The following DGKB variants were observed in gnomAD, a reference collection of about 807,000 sequenced individuals.
The protein encoded by DGKB is diacylglycerol kinase beta, also known as 90 kDa diacylglycerol kinase.
A neutral mutation model predicts 114.3 loss-of-function variants in DGKB; 67 were observed. The observed-to-expected ratio is 0.59, with a 90% CI of 0.48 to 0.72. The LOEUF is 0.72. Ranked by LOEUF, DGKB falls within the 30% of genes least tolerant of loss-of-function variation. The pLI is 0.00. For synonymous variants in DGKB, 398 were observed against 323.1 expected, an observed-to-expected ratio of 1.23 and a Z score of -2.49; for missense variants, 907 against 975.2, an observed-to-expected ratio of 0.93 and a Z score of 0.93.
chr7:14,661,749 T>A (rs1278641297), intron 13 of DGKB, among the ~76,000 whole-genome samples: 1 of 151,538 alleles, frequency 6.6e-6, no homozygotes, highest in Non-Finnish European at 1.5e-5. Flanking sequence ...TAAAGACACA[T>A]GCACACGTAT....
chr7:14,856,835 C>T (rs1003059143), intron 1 of DGKB, among the ~76,000 whole-genome samples: 11 of 152,164 alleles, frequency 7.2e-5, no homozygotes, highest in African/African-American at 2.6e-4. Flanking sequence ...TTATAGGCTG[C>T]CAAATTCCTC....
Position 14,304,046 on chromosome 7 carries a change from A to AACACACACAC in DGKB, c.2122+34459_2122+34468dup, listed in dbSNP as rs773102280. On this transcript the variant is annotated intron_variant, in intron 23 of 25. Transcript: ENST00000402815. ...TATTATACACCATTTGTTCTTATAGAACACACACACACACACACACACACA... is the reference window on the plus strand; with the variant it reads ...TATTATACACCATTTGTTCTTATAGAACACACACACACACACACACACACACACACACACA... 1.8e-3 allele frequency among the ~76,000 whole-genome samples: 201 copies of AACACACACAC among 112,704 alleles called. 2 individuals carry two copies. The highest frequency in any genetic ancestry group is 5.8e-3 in the African/African-American group (167 of 28,824). The allele number at this position is 112,704 out of a possible 152,430, so 73.9% of individuals were successfully genotyped here.
At chr7:14,535,377 A>G (rs1284636126) in intron 20 of DGKB, among the ~76,000 whole-genome samples, 1 of 103,218 alleles carries the variant, frequency 9.7e-6, no homozygotes, top group Non-Finnish European at 1.9e-5. Context: ...TCTTAAAAAA[A>G]GAAAAAAAAA....
chr7:14,928,027 G>A (rs1250148658), intron 1 of DGKB, among the ~76,000 whole-genome samples: 1 of 151,906 alleles, frequency 6.6e-6, no homozygotes, highest in Non-Finnish European at 1.5e-5. Context: ...TAGATGACAT[G>A]AGAAGTGTAA....
At chr7:14,646,296 T>C (rs1812993299) in intron 13 of DGKB, among the ~76,000 whole-genome samples, 2 of 152,108 alleles carry the variant, frequency 1.3e-5, no homozygotes, top group Admixed American at 1.3e-4. Flanking sequence ...AGATAAAAAT[T>C]AAGTGGTCAA....
At chr7:14,473,208 T>G (rs1781675327) in intron 21 of DGKB, among the ~76,000 whole-genome samples, 1 of 152,268 alleles carries the variant, frequency 6.6e-6, no homozygotes, top group African/African-American at 2.4e-5. Flanking sequence ...AGGGTGCCCA[T>G]GCTGCGTGAA....
At chr7:14,418,193 A>C (rs1023717514) in intron 21 of DGKB, among the ~76,000 whole-genome samples, 1 of 137,126 alleles carries the variant, frequency 7.3e-6, no homozygotes, top group Middle Eastern at 3.7e-3. Flanking sequence ...AAATATAAAA[A>C]ATTTTATATT....
intron 20 of DGKB, among the ~76,000 whole-genome samples, chr7:14,516,022 T>C (rs1450041594): frequency 6.6e-6 from 1 of 152,022 alleles, no homozygotes. Flanking sequence ...CTAATTTGTT[T>C]ATTTTTGGGG....
intron 16 of DGKB, among the ~76,000 whole-genome samples, chr7:14,612,419 T>A (rs778554355): frequency 2.6e-5 from 4 of 152,064 alleles, no homozygotes; most frequent in Non-Finnish European, 5.9e-5. Context: ...TCTGCCCACC[T>A]CAGCCTCCCA....
intron 21 of DGKB, among the ~76,000 whole-genome samples, chr7:14,453,874 G>C (rs1831893233): frequency 6.6e-6 from 1 of 152,222 alleles, no homozygotes; most frequent in African/African-American, 2.4e-5. Context: ...CTGGCATATG[G>C]GCCATAGTTT....
At chr7:14,221,721 T>C (rs1158957391) in intron 23 of DGKB, among the ~76,000 whole-genome samples, 4 of 151,304 alleles carry the variant, frequency 2.6e-5, no homozygotes, top group Admixed American at 2.6e-4. Context: ...TTTGGAAGGG[T>C]TTGTGAATAG....
intron 21 of DGKB, among the ~76,000 whole-genome samples, chr7:14,348,082 T>C (rs1812780320): frequency 1.3e-5 from 2 of 152,104 alleles, no homozygotes; most frequent in South Asian, 2.1e-4. Context: ...CTGACATTGA[T>C]ACAGTTAAGA....
intron 20 of DGKB, among the ~76,000 whole-genome samples, chr7:14,481,252 G>A (rs1782946333): frequency 6.6e-6 from 1 of 151,582 alleles, no homozygotes; most frequent in South Asian, 2.1e-4. Flanking sequence ...TTCTGTATAG[G>A]CTTATTTATG....
intron 17 of DGKB, among the ~76,000 whole-genome samples, chr7:14,601,512 T>C (rs1346342115): frequency 6.6e-6 from 1 of 152,312 alleles, no homozygotes; most frequent in East Asian, 1.9e-4. Flanking sequence ...TCTTTACCAA[T>C]TGGCCAGTCT....
At chr7:14,689,199 A>ATTATTTTTTTTTT (rs1822290700) in intron 9 of DGKB, among the ~76,000 whole-genome samples, 1 of 76,566 alleles carries the variant, frequency 1.3e-5, no homozygotes, top group African/African-American at 4.1e-5. Context: ...AACTCCTCTT[A>ATTATTTTTTTTTT]TTTTTTTTTT....
At chr7:14,334,255 A>G (rs1380978334) in intron 23 of DGKB, among the ~76,000 whole-genome samples, 2 of 152,076 alleles carry the variant, frequency 1.3e-5, no homozygotes, top group Admixed American at 6.6e-5. Flanking sequence ...CCATTTGCAC[A>G]ATATTTCTCA....
chr7:14,376,121 G>C (rs1818445693), intron 21 of DGKB, among the ~76,000 whole-genome samples: 1 of 152,186 alleles, frequency 6.6e-6, no homozygotes, highest in Non-Finnish European at 1.5e-5. Context: ...AATTTCTAGA[G>C]AGGAAGGCCC....
At chr7:14,946,253 A>G (rs1785873516) in intron 1 of DGKB, among the ~76,000 whole-genome samples, 1 of 151,684 alleles carries the variant, frequency 6.6e-6, no homozygotes, top group African/African-American at 2.4e-5. Context: ...CAATCTGCTT[A>G]ACATTTCCAG....
intron 25 of DGKB, among the ~76,000 whole-genome samples, chr7:14,160,987 A>G (rs537624612): frequency 2.2e-4 from 33 of 152,294 alleles, no homozygotes; most frequent in African/African-American, 7.7e-4. Context: ...CAACCCCATC[A>G]AAAAGTGGGC....
Sources: allele counts gnomAD v4.1 joint callset (sites outside exome capture counted in the v4.1 genomes callset), GRCh38; gene constraint gnomAD v4.1.1; transcripts MANE v1.5; gene names NCBI Gene and HGNC (gene_info 2026-07-23, HGNC 2026-07-21).